RBFOX1: variants seen among roughly 807,000 people sequenced by gnomAD.
The protein encoded by RBFOX1 is RNA binding protein fox-1 homolog 1.
A neutral mutation model predicts 57.7 loss-of-function variants in RBFOX1; 8 were observed. The observed-to-expected ratio is 0.14, with a 90% CI of 0.08 to 0.25. The LOEUF is 0.25. Among genes scored for constraint, RBFOX1 ranks in the 10% least tolerant of loss-of-function variants. The pLI is 1.00. For missense variants in RBFOX1, 611 were observed against 548.5 expected (o/e 1.11, Z -1.14); for synonymous variants, 326 against 222.4 (o/e 1.47, Z -4.15).
At chr16:7,449,680 T>C (rs1377962741) in intron 4 of RBFOX1, among the ~76,000 whole-genome samples, 1 of 144,598 alleles carries the variant, frequency 6.9e-6, no homozygotes, top group Non-Finnish European at 1.5e-5. Context: ...AATTTGTCAG[T>C]TGGATAATTT....
chr16:6,327,773 G>A lies in RBFOX1; in HGVS notation c.-64+10716G>A, dbSNP rs970573762. ...ATGATTTCTATACAGATTCAAGCCA[G>A]GAGCCTCTCTTCTTGACCGATCTGA... On this transcript the variant is annotated intron_variant, in intron 2 of 15. Coordinates refer to ENST00000550418, the MANE Select transcript of RBFOX1 (RefSeq NM_018723.4). Among the ~76,000 whole-genome samples, 29 of 152,276 alleles carry A rather than the reference G, an allele frequency of 1.9e-4. No individual in the cohort carries two copies. The East Asian group carries it at 2.9e-3, about 15-fold the overall frequency.
At chr16:5,494,331 G>A (rs1331266456) in intron 2 of RBFOX1, among the ~76,000 whole-genome samples, 2 of 152,212 alleles carry the variant, frequency 1.3e-5, no homozygotes, top group Non-Finnish European at 2.9e-5. Context: ...CTAGACTTGT[G>A]TGTCAAAGGA....
At chr16:5,549,431 G>C (rs1268147595) in intron 2 of RBFOX1, among the ~76,000 whole-genome samples, 1 of 152,200 alleles carries the variant, frequency 6.6e-6, no homozygotes, top group Non-Finnish European at 1.5e-5. Flanking sequence ...TTCTATTTCA[G>C]AGTTATATTT....
chr16:6,563,745 G>A (rs1246333524), intron 2 of RBFOX1, among the ~76,000 whole-genome samples: 1 of 152,096 alleles, frequency 6.6e-6, no homozygotes, highest in Non-Finnish European at 1.5e-5. Context: ...CACATCAGTA[G>A]GGCTTGGGAG....
At chr16:7,469,859 T>A (rs552945565) in intron 4 of RBFOX1, among the ~76,000 whole-genome samples, 1 of 152,316 alleles carries the variant, frequency 6.6e-6, no homozygotes, top group Admixed American at 6.5e-5. Flanking sequence ...TCGCAGCCCC[T>A]GGCTACTTTC....
intron 2 of RBFOX1, among the ~76,000 whole-genome samples, chr16:6,556,872 A>T (rs2097105015): frequency 6.6e-6 from 1 of 151,718 alleles, no homozygotes; most frequent in East Asian, 1.9e-4. Flanking sequence ...TCTTCTGAGG[A>T]GAAGTAGAGG....
chr16:5,924,057 G>C (rs1269705454), intron 4 of RBFOX1, among the ~76,000 whole-genome samples: 1 of 152,096 alleles, frequency 6.6e-6, no homozygotes, highest in Non-Finnish European at 1.5e-5. Context: ...GATAGTGACT[G>C]AATCTCATGG....
At chr16:5,925,488 A>C (rs2152237179) in intron 4 of RBFOX1, among the ~76,000 whole-genome samples, 1 of 152,340 alleles carries the variant, frequency 6.6e-6, no homozygotes, top group African/African-American at 2.4e-5. Flanking sequence ...TTAATGGTTG[A>C]ACATAAACTT....
chr16:7,050,590 G>A (rs1598119705), intron 3 of RBFOX1, among the ~76,000 whole-genome samples: 1 of 151,914 alleles, frequency 6.6e-6, no homozygotes, highest in African/African-American at 2.4e-5. Flanking sequence ...TTAATGATCT[G>A]TTTCACTGTA....
In RBFOX1 at chr16:7,114,844, G is replaced by A. The variant is rs888184592; in HGVS notation, c.27+62746G>A. On this transcript the variant is annotated intron_variant, in intron 4 of 15. Transcript: ENST00000550418. Reference sequence around the variant, plus strand: ...GTAGTGGTTTTCATGAAGCCAAATCGTAAAGGTCTGAGAAATACACACTGT... The same window carrying A: ...GTAGTGGTTTTCATGAAGCCAAATCATAAAGGTCTGAGAAATACACACTGT... 3.9e-5 allele frequency among the ~76,000 whole-genome samples: 6 copies of A among 152,276 alleles called. No homozygotes were observed. The South Asian group carries it at 1.2e-3, about 32-fold the overall frequency.
At chr16:5,986,778 T>G (rs1376026844) in intron 4 of RBFOX1, among the ~76,000 whole-genome samples, 3 of 152,248 alleles carry the variant, frequency 2.0e-5, no homozygotes, top group Non-Finnish European at 2.9e-5. Context: ...ACTGTTCACT[T>G]GTTGAAGGAC....
chr16:6,705,168 C>G (rs1173049963), intron 3 of RBFOX1: 1 of 152,130 alleles, frequency 6.6e-6, no homozygotes, highest in Admixed American at 6.6e-5. Flanking sequence ...GTGGCAGACC[C>G]AGCCCAGCCA....
intron 3 of RBFOX1, among the ~76,000 whole-genome samples, chr16:6,784,081 A>G (rs980232610): frequency 6.6e-6 from 1 of 151,794 alleles, no homozygotes; most frequent in Non-Finnish European, 1.5e-5. Context: ...TTTGTCCTTA[A>G]CCTTTGAGAA....
chr16:6,063,435 T>G (rs897410363), intron 1 of RBFOX1, among the ~76,000 whole-genome samples: 1 of 151,154 alleles, frequency 6.6e-6, no homozygotes, highest in African/African-American at 2.4e-5. Flanking sequence ...TCAAGCATTA[T>G]CCATCATTAG....
intron 1 of RBFOX1, among the ~76,000 whole-genome samples, chr16:5,324,791 T>C (rs2004858): frequency 0.96 from 146,641 of 152,062 alleles, 70,923 homozygotes; most frequent in Middle Eastern, 1. Flanking sequence ...ACAACTGACA[T>C]TGGGGCCTCT....
intron 3 of RBFOX1, among the ~76,000 whole-genome samples, chr16:7,003,661 G>C (rs74010445): frequency 2.0e-5 from 3 of 152,028 alleles, no homozygotes; most frequent in Non-Finnish European, 4.4e-5. Flanking sequence ...GATACATGTA[G>C]CATCAAAGGA....
At chr16:6,852,999 A>T (rs781254897) in intron 3 of RBFOX1, among the ~76,000 whole-genome samples, 3 of 152,166 alleles carry the variant, frequency 2.0e-5, no homozygotes, top group Non-Finnish European at 2.9e-5. Flanking sequence ...TGGATGGACA[A>T]TCTCACTGGC....
chr16:5,470,652 T>C (rs1332895108), intron 2 of RBFOX1, among the ~76,000 whole-genome samples: 1 of 151,954 alleles, frequency 6.6e-6, no homozygotes, highest in East Asian at 1.9e-4. Context: ...TCTCATCATC[T>C]CTCTTTTTCT....
intron 4 of RBFOX1, among the ~76,000 whole-genome samples, chr16:7,270,429 T>C (rs1444444706): frequency 6.6e-6 from 1 of 152,160 alleles, no homozygotes; most frequent in East Asian, 1.9e-4. Flanking sequence ...TAAAGGAAGA[T>C]ACCATCGGGC....
Sources: gnomAD v4.1 joint callset for allele counts (sites outside exome capture counted in the v4.1 genomes callset) on GRCh38, gnomAD v4.1.1 for gene constraint, MANE v1.5 for transcripts, NCBI Gene and HGNC (gene_info 2026-07-23, HGNC 2026-07-21) for gene names.